NKAIN2: variants seen among roughly 807,000 people sequenced by gnomAD.
NKAIN2 encodes sodium/potassium-transporting ATPase subunit beta-1-interacting protein 2.
A neutral mutation model predicts 32.6 loss-of-function variants in NKAIN2; 14 were observed. The observed-to-expected ratio is 0.43, with a 90% CI of 0.28 to 0.67. The LOEUF (loss-of-function observed/expected upper bound fraction) is 0.67, where lower values mean the gene tolerates loss of function less well. Ranked by LOEUF, NKAIN2 falls within the 30% of genes least tolerant of loss-of-function variation. The probability of loss-of-function intolerance (pLI) is 0.17; values close to 1 mark genes in which losing one functional copy is unlikely to be tolerated. For synonymous variants in NKAIN2, 80 were observed against 87.2 expected (o/e 0.92, Z 0.46); for missense variants, 198 against 258.3 (o/e 0.77, Z 1.60).
chr6:123,945,274 G>A (rs1419932454), intron 1 of NKAIN2, among the ~76,000 whole-genome samples: 1 of 152,066 alleles, frequency 6.6e-6, no homozygotes, highest in African/African-American at 2.4e-5. Flanking sequence ...TACTTCCAAT[G>A]TTGAGGCTCT....
intron 4 of NKAIN2, among the ~76,000 whole-genome samples, chr6:124,728,110 G>A (rs1221700798): frequency 2.7e-5 from 4 of 146,024 alleles, no homozygotes; most frequent in African/African-American, 1.0e-4. Context: ...TTAATAATGG[G>A]AGACTTTAAC....
rs150250287 is a variant in NKAIN2, at chr6:124,817,651, T to C, written c.536-736T>C. Among the ~76,000 whole-genome samples, 177 of 152,276 alleles carry C rather than the reference T, an allele frequency of 1.2e-3. 3 individuals carry two copies. In the East Asian group the frequency reaches 0.028, roughly 24 times the overall value. ...CCATGTTCAAGAGGAAGAGACATAC[T>C]CAAACCATTGTATGGGAGGAAGGTC... On this transcript the variant is annotated intron_variant, in intron 5 of 6. Transcript: ENST00000368417.
intron 3 of NKAIN2, among the ~76,000 whole-genome samples, chr6:124,530,164 A>G (rs1779468395): frequency 6.6e-6 from 1 of 152,238 alleles, no homozygotes; most frequent in Admixed American, 6.5e-5. Context: ...TTCCCCAGAA[A>G]CTTAACTACT....
intron 2 of NKAIN2, among the ~76,000 whole-genome samples, chr6:124,309,047 T>G (rs1459306845): frequency 6.6e-6 from 1 of 152,124 alleles, no homozygotes; most frequent in Non-Finnish European, 1.5e-5. Flanking sequence ...CTATTTTACC[T>G]TTGAAATTTG....
At chr6:124,027,206 C>T (rs113364579) in intron 1 of NKAIN2, among the ~76,000 whole-genome samples, 2,573 of 150,334 alleles carry the variant, frequency 0.017, 78 homozygotes, top group African/African-American at 0.06. Flanking sequence ...ATAGCACGAT[C>T]TCAGCTCACT....
chr6:124,157,058 G>C (rs112259447), intron 1 of NKAIN2, among the ~76,000 whole-genome samples: 1 of 132,614 alleles, frequency 7.5e-6, no homozygotes, highest in African/African-American at 2.9e-5. Flanking sequence ...AGCCGAGATC[G>C]AGCCACTGCA....
intron 1 of NKAIN2, among the ~76,000 whole-genome samples, chr6:123,980,240 T>C (rs1778824332): frequency 6.6e-6 from 1 of 152,210 alleles, no homozygotes; most frequent in Non-Finnish European, 1.5e-5. Flanking sequence ...AAGCACATTT[T>C]CTAAGCATCT....
rs1055415116 is a variant in NKAIN2 at position 124,163,516 on chromosome 6, A to C, written c.55-119489A>C. On this transcript the variant is annotated intron_variant, in intron 1 of 6. Transcript: ENST00000368417. ...AAAAATTTCCTCAAATGATGTTTCT[A>C]AACAGCAAAGTATCCCATCATTAGA... Among the ~76,000 whole-genome samples the C allele has an allele frequency of 3.3e-5, 3 of 92,286 alleles. No homozygotes were observed. The South Asian group carries it at 1.5e-3, about 47-fold the overall frequency. 60.5% of individuals were successfully genotyped at this position (92,286 alleles called of 152,430 possible). A position where few individuals can be genotyped will look rare whatever the true frequency, so the allele number is the denominator to read the frequency against.
intron 1 of NKAIN2, among the ~76,000 whole-genome samples, chr6:123,981,972 A>C (rs1042949293): frequency 1.4e-4 from 21 of 152,144 alleles, no homozygotes; most frequent in African/African-American, 4.8e-4. Flanking sequence ...GAGCACTGCA[A>C]TTTTGTGTCC....
rs144886859 is a variant in NKAIN2, at chr6:124,692,755, G to A, written c.474+34369G>A. ...CACTTGAACCTGGGAGGCGGAGGTT[G>A]CAGTGAGCCGAGATCACACCACTGC... On this transcript the variant is annotated intron_variant, in intron 4 of 6. Transcript: ENST00000368417. 2.6e-3 allele frequency among the ~76,000 whole-genome samples: 399 copies of A among 152,058 alleles called. 2 individuals carry two copies. Among genetic ancestry groups the A allele is most frequent in the African/African-American group, 9.4e-3 (389 of 41,452 alleles).
chr6:124,446,531 CG>C, intron 3 of NKAIN2, among the ~76,000 whole-genome samples: 1 of 151,902 alleles, frequency 6.6e-6, no homozygotes, highest in East Asian at 1.9e-4. Flanking sequence ...TTGATAGAGA[CG>C]GGGTTTTGCC....
In NKAIN2 at chr6:124,521,859, A is replaced by T. The variant is rs540464868; in HGVS notation, c.274-136327A>T. Among the ~76,000 whole-genome samples the T allele has an allele frequency of 1.3e-4, 19 of 151,936 alleles. No homozygotes were observed. The South Asian group carries it at 4.0e-3, about 32-fold the overall frequency. ...TAAAACACCCTTTCTCAGCAAATAA[A>T]TTTTTTAGATATGTCTGTTTATGTC... On this transcript the variant is annotated intron_variant, in intron 3 of 6. Transcript: ENST00000368417.
chr6:124,453,959 C>A (rs1776219423), intron 3 of NKAIN2, among the ~76,000 whole-genome samples: 1 of 152,090 alleles, frequency 6.6e-6, no homozygotes, highest in African/African-American at 2.4e-5. Flanking sequence ...GACAAAATAA[C>A]TTTAAAGCCA....
At chr6:124,775,140 C>A (rs1778931356) in intron 4 of NKAIN2, among the ~76,000 whole-genome samples, 1 of 152,106 alleles carries the variant, frequency 6.6e-6, no homozygotes, top group Admixed American at 6.6e-5. Flanking sequence ...CATGAAAGGA[C>A]AATGCTTCAT....
chr6:124,713,265 C>T (rs953589219), intron 4 of NKAIN2, among the ~76,000 whole-genome samples: 2 of 152,042 alleles, frequency 1.3e-5, no homozygotes, highest in East Asian at 3.9e-4. Flanking sequence ...AGTAGAGGAG[C>T]AAATATTCGA....
intron 1 of NKAIN2, among the ~76,000 whole-genome samples, chr6:123,810,905 G>T (rs1773435381): frequency 6.6e-6 from 1 of 152,142 alleles, no homozygotes; most frequent in Admixed American, 6.5e-5. Context: ...GTGTGCATCA[G>T]AATCTCCTGC....
chr6:124,293,472 T>C (rs1335475486), intron 2 of NKAIN2, among the ~76,000 whole-genome samples: 1 of 152,158 alleles, frequency 6.6e-6, no homozygotes, highest in Non-Finnish European at 1.5e-5. Context: ...TTCTGTGGTA[T>C]AGAATAATTC....
chr6:124,762,327 T>C (rs755798632), intron 4 of NKAIN2, among the ~76,000 whole-genome samples: 1 of 152,118 alleles, frequency 6.6e-6, no homozygotes, highest in Non-Finnish European at 1.5e-5. Context: ...ATTAGTCAGA[T>C]TGGATTAGGA....
chr6:123,879,885 C>A (rs1773370106), intron 1 of NKAIN2, among the ~76,000 whole-genome samples: 1 of 152,148 alleles, frequency 6.6e-6, no homozygotes, highest in African/African-American at 2.4e-5. Flanking sequence ...TCTTGTCTGA[C>A]CTGTGTTCAG....
Sources: allele counts gnomAD v4.1 joint callset (sites outside exome capture counted in the v4.1 genomes callset), GRCh38; gene constraint gnomAD v4.1.1; transcripts MANE v1.5; gene names NCBI Gene and HGNC (gene_info 2026-07-23, HGNC 2026-07-21).